The following HDLBP variants were observed in gnomAD, a reference collection of about 807,000 sequenced individuals.
The protein encoded by HDLBP is vigilin.
Under a neutral mutation model 137.3 loss-of-function variants are expected in HDLBP, and 30 were observed. That is an observed-to-expected ratio of 0.22 (90% CI 0.16 to 0.30). The LOEUF (loss-of-function observed/expected upper bound fraction) is 0.30. Ranked by LOEUF, HDLBP falls within the 10% of genes least tolerant of loss-of-function variation. The pLI is 1.00. For synonymous variants in HDLBP, 606 were observed against 596.0 expected (o/e 1.02, Z -0.24); for missense variants, 1,119 against 1,667.3 (o/e 0.67, Z 5.73).
chr2:241,289,593 AAG>A (rs1436652948), intron 1 of HDLBP, among the ~76,000 whole-genome samples: 1 of 152,210 alleles, frequency 6.6e-6, no homozygotes, highest in Non-Finnish European at 1.5e-5. Flanking sequence ...CTCATCTATA[AAG>A]AGAGAAAACT....
chr2:241,255,211 A>G, intron 8 of HDLBP, 53 bp from the exon 9 acceptor site: 3 of 1,556,442 alleles, frequency 1.9e-6, no homozygotes, highest in Non-Finnish European at 2.7e-6. Context: ...GTCGTGTCAC[A>G]GTGAAAGCCA....
At position 241,258,473 on chromosome 2, in the gene HDLBP, G is replaced by A. The variant is rs559643436; in HGVS notation, c.451-1667C>T. Among the ~76,000 whole-genome samples, 22 of 152,028 alleles carry A rather than the reference G, an allele frequency of 1.4e-4. 1 individual carries two copies. The East Asian group carries it at 2.7e-3, about 19-fold the overall frequency. ...TAGGAGGTTGAGGCTCCGGTGAGCC[G>A]TGATCATGCCATGGCACTTCAGCTT... is the stretch of plus-strand genomic sequence containing the variant. On this transcript the variant is annotated intron_variant, in intron 5 of 27. Coordinates refer to ENST00000310931, the MANE Select transcript of HDLBP (RefSeq NM_005336.6).
At chr2:241,282,165 C>T (rs1215803822) in intron 1 of HDLBP, among the ~76,000 whole-genome samples, 3 of 152,162 alleles carry the variant, frequency 2.0e-5, no homozygotes, top group African/African-American at 7.2e-5. Context: ...GTTACGTTTA[C>T]AGTATTTCCT....
intron 5 of HDLBP, among the ~76,000 whole-genome samples, chr2:241,261,013 A>G (rs2073117304): frequency 6.8e-6 from 1 of 147,634 alleles, no homozygotes; most frequent in African/African-American, 2.5e-5. Flanking sequence ...CAACATGGTG[A>G]AAACCCGCAT....
chr2:241,277,058 T>G (rs1193366218), intron 1 of HDLBP, among the ~76,000 whole-genome samples: 1 of 151,562 alleles, frequency 6.6e-6, no homozygotes, highest in Non-Finnish European at 1.5e-5. Context: ...ACCACTCAAT[T>G]AGAACTCAAC....
Position 241,240,954 on chromosome 2 carries a change from A to G in HDLBP, c.2170-832T>C, listed in dbSNP as rs760671807. Among the ~76,000 whole-genome samples the G allele has an allele frequency of 1.2e-4, 18 of 152,328 alleles. No homozygotes were observed. The highest frequency in any genetic ancestry group is 3.3e-4 in the Admixed American group (5 of 15,296). ...AAACATGCTAGCACAAAAATATTAA[A>G]TAACAACTTTGCTACCTTTTAAGTG... On this transcript the variant is annotated intron_variant, in intron 17 of 27. Transcript: ENST00000310931. The surrounding 1 kb of genome is among the most constrained non-coding windows in gnomAD (Gnocchi z 5.5).
intron 1 of HDLBP, among the ~76,000 whole-genome samples, chr2:241,269,980 A>ACC (rs974163795): frequency 6.6e-6 from 1 of 151,630 alleles, no homozygotes; most frequent in African/African-American, 2.4e-5. Context: ...CCAGACACCC[A>ACC]CCCCCTTATC....
chr2:241,258,662 GAAGAA>G (rs1385402359), intron 5 of HDLBP, among the ~76,000 whole-genome samples: 3 of 152,148 alleles, frequency 2.0e-5, no homozygotes, highest in Admixed American at 6.5e-5. Flanking sequence ...ACAAGCAGCA[GAAGAA>G]AAGATAAACT....
intron 5 of HDLBP, among the ~76,000 whole-genome samples, chr2:241,257,018 C>A (rs952629199): frequency 4.6e-5 from 7 of 152,128 alleles, no homozygotes; most frequent in African/African-American, 1.7e-4. Flanking sequence ...GTATCTGCAC[C>A]ACTACTTAAC....
chr2:241,229,358 T>C lies in HDLBP; in HGVS notation c.*243A>G, dbSNP rs1377211726. 2.3e-6 allele frequency: 1 copy of C among 439,892 alleles called. No homozygotes were observed. The highest frequency in any genetic ancestry group is 4.2e-6 in the Non-Finnish European group (1 of 237,888). 27.2% of individuals were successfully genotyped at this position (439,892 alleles called of 1,614,324 possible). A position where few individuals can be genotyped will look rare whatever the true frequency, so the allele number is the denominator to read the frequency against. On this transcript the variant is annotated 3_prime_UTR_variant, in exon 28 of 28. Coordinates refer to ENST00000310931, the MANE Select transcript of HDLBP (RefSeq NM_005336.6). ...GACCAGGAGCTGGAGTCTGTTATCT[T>C]AGCACGAATGCTCATGACCTTGGTT... is the stretch of plus-strand genomic sequence containing the variant.
chr2:241,274,062 GAC>G (rs2074298276), intron 1 of HDLBP, among the ~76,000 whole-genome samples: 1 of 152,186 alleles, frequency 6.6e-6, no homozygotes, highest in African/African-American at 2.4e-5. Context: ...AGTTAAGAAA[GAC>G]ACAGGTTCTT....
chr2:241,299,074 C>T (rs750000428), intron 1 of HDLBP, among the ~76,000 whole-genome samples: 2 of 152,126 alleles, frequency 1.3e-5, no homozygotes, highest in African/African-American at 2.4e-5. Flanking sequence ...AGTAAACATA[C>T]CAAAATATCC....
intron 1 of HDLBP, among the ~76,000 whole-genome samples, chr2:241,296,492 T>C (rs1286703192): frequency 6.6e-6 from 1 of 152,328 alleles, no homozygotes; most frequent in East Asian, 1.9e-4. Flanking sequence ...ATTGATTTAT[T>C]TGACCCTATC....
chr2:241,249,913 C>T lies in HDLBP; in HGVS notation c.1440G>A (p.Leu480=). ...CCTGTGGGTCCCCCTCGATGCGGAT[C>T]AAATTGCTCTTCTCACTGTCAGGAG... The part of the protein sequence containing the change: ...RIPPDSEKSN[L]IRIEGDPQGV... The change falls in exon 12 of 28, where the codon TTG becomes TTA. Residue 480 remains leucine (L), a synonymous_variant. Coordinates refer to ENST00000310931, the MANE Select transcript of HDLBP (RefSeq NM_005336.6). 6.2e-7 allele frequency: 1 copy of T among 1,614,132 alleles called. No individual in the cohort carries two copies. The highest frequency in any genetic ancestry group is 8.5e-7 in the Non-Finnish European group (1 of 1,179,988).
At chr2:241,301,250 G>T (rs1209244087) in intron 1 of HDLBP, among the ~76,000 whole-genome samples, 2 of 151,378 alleles carry the variant, frequency 1.3e-5, no homozygotes, top group African/African-American at 4.9e-5. Flanking sequence ...GCCTCCCAAA[G>T]TGCTGGGATT....
At chr2:241,301,117 C>T (rs2149693204) in intron 1 of HDLBP, among the ~76,000 whole-genome samples, 1 of 151,088 alleles carries the variant, frequency 6.6e-6, no homozygotes, top group South Asian at 2.1e-4. Flanking sequence ...GCTGGGACTA[C>T]AGGCGCCCGC....
chr2:241,235,583 A>G lies in HDLBP; in HGVS notation c.2916T>C (p.Pro972=). The change falls in exon 22 of 28, where the codon CCT becomes CCC. Residue 972 remains proline (P), a synonymous_variant. Coordinates refer to ENST00000310931, the MANE Select transcript of HDLBP (RefSeq NM_005336.6). ...AGGGCACCTCTACTTCAATGGTGAC[A>G]GGAACCAATGCCTGCAGGGAGGATG... ...AAKEALEALV[P]VTIEVEVPFD... The G allele has an allele frequency of 2.5e-6, 4 of 1,612,886 alleles. No homozygotes were observed. Among genetic ancestry groups the G allele is most frequent in the Non-Finnish European group, 2.5e-6 (3 of 1,178,846 alleles).
rs1032278206 is a variant in HDLBP at position 241,239,357 on chromosome 2, C to T, written c.2610+245G>A. On this transcript the variant is annotated intron_variant, in intron 19 of 27. Coordinates refer to ENST00000310931, the MANE Select transcript of HDLBP (RefSeq NM_005336.6). This position sits in a 1 kb window ranked among gnomAD's most constrained non-coding sequence, Gnocchi z 4.6. ...CTTTCCTCTCTCTCTCTCCCCTCTCCTCTTCTCCTTCTCTCTCTCTTTTTT... is the reference window on the plus strand; with the variant it reads ...CTTTCCTCTCTCTCTCTCCCCTCTCTTCTTCTCCTTCTCTCTCTCTTTTTT... 4.6e-5 allele frequency among the ~76,000 whole-genome samples: 7 copies of T among 152,014 alleles called. No homozygotes were observed. Among genetic ancestry groups the T allele is most frequent in the Non-Finnish European group, 1.0e-4 (7 of 67,996 alleles).
At position 241,274,195 on chromosome 2, in the gene HDLBP, T is replaced by C. The variant is rs537950152; in HGVS notation, c.-102-5654A>G. On this transcript the variant is annotated intron_variant, in intron 1 of 27. Coordinates refer to ENST00000310931, the MANE Select transcript of HDLBP (RefSeq NM_005336.6). Reference sequence around the variant, plus strand: ...TGGGGAAGTGGAGCAGGCAACTGTATGTGCAAGGTCAGGGGAAAAGCCTAG... The same window carrying C: ...TGGGGAAGTGGAGCAGGCAACTGTACGTGCAAGGTCAGGGGAAAAGCCTAG... 7.9e-5 allele frequency among the ~76,000 whole-genome samples: 12 copies of C among 152,038 alleles called. No homozygotes were observed. The South Asian group carries it at 1.0e-3, about 13-fold the overall frequency.
Sources: gnomAD v4.1 joint callset for allele counts (sites outside exome capture counted in the v4.1 genomes callset) on GRCh38, gnomAD v4.1.1 for gene constraint, Gnocchi (gnomAD v3.1) non-coding constraint, MANE v1.5 for transcripts, NCBI Gene and HGNC (gene_info 2026-07-23, HGNC 2026-07-21) for gene names.